AAK1: variants seen among roughly 807,000 people sequenced by gnomAD.
AAK1 encodes AP2-associated protein kinase 1.
AAK1 carries 37 observed loss-of-function variants against 116.0 expected under a neutral mutation model. The ratio of observed to expected loss-of-function variants is 0.32; its 90% CI spans 0.25 to 0.42. The LOEUF is 0.42. Ranked by LOEUF, AAK1 falls within the 10% of genes least tolerant of loss-of-function variation. AAK1 has a pLI of 1.00. For missense variants in AAK1, 919 were observed against 1,170.6 expected (o/e 0.79, Z 3.14); for synonymous variants, 458 against 439.9 (o/e 1.04, Z -0.51).
intron 4 of AAK1, 101 bp from the exon 5 acceptor site, chr2:69,542,766 A>C: frequency 1.5e-6 from 2 of 1,346,892 alleles, no homozygotes; most frequent in Non-Finnish European, 2.0e-6. Context: ...AGTCTGGACT[A>C]AGGTAACAGA....
chr2:69,499,301 C>A (rs755172256), intron 16 of AAK1, among the ~76,000 whole-genome samples: 1 of 152,166 alleles, frequency 6.6e-6, no homozygotes, highest in Non-Finnish European at 1.5e-5. Flanking sequence ...AATCTCACAC[C>A]TTCCAACACT....
In AAK1 at chr2:69,573,553, G is replaced by T. The variant is rs59493053; in HGVS notation, c.164-16575C>A. Reference sequence around the variant, plus strand: ...ATCGGCAAGTAGTCTCAGTGAGGCAGAAAGACCTCTGGTAGAATGTTGGCT... The same window carrying T: ...ATCGGCAAGTAGTCTCAGTGAGGCATAAAGACCTCTGGTAGAATGTTGGCT... On this transcript the variant is annotated intron_variant, in intron 2 of 21. Transcript: ENST00000409085. Among the ~76,000 whole-genome samples the T allele has an allele frequency of 4.3e-3, 660 of 152,344 alleles. 7 individuals carry two copies. The East Asian group carries it at 0.044, about 10-fold the overall frequency.
Position 69,467,220 on chromosome 2 carries a change from A to G in AAK1, c.*8649T>C. On this transcript the variant is annotated 3_prime_UTR_variant, in exon 22 of 22. Transcript: ENST00000409085. ...CCCAGAATTTTGTTTTCAGTCTTCT[A>G]AGTTCATAAAGATCTCCTCTGCTTA... 2 of 985,420 alleles carry G rather than the reference A, an allele frequency of 2.0e-6. No individual in the cohort carries two copies. The highest frequency in any genetic ancestry group is 2.4e-6 in the Non-Finnish European group (2 of 829,918). 61.0% of individuals were successfully genotyped at this position (985,420 alleles called of 1,614,324 possible). A position where few individuals can be genotyped will look rare whatever the true frequency, so the allele number is the denominator to read the frequency against.
chr2:69,592,660 G>A (rs1673083713), intron 2 of AAK1, among the ~76,000 whole-genome samples: 1 of 151,974 alleles, frequency 6.6e-6, no homozygotes, highest in African/African-American at 2.4e-5. Flanking sequence ...AAAGTTAGTG[G>A]CAAGTGAAAA....
chr2:69,513,190 G>C (rs1676455837), intron 13 of AAK1, among the ~76,000 whole-genome samples: 1 of 152,188 alleles, frequency 6.6e-6, no homozygotes. Context: ...AAGGTGTAAA[G>C]ACACTAAACA....
chr2:69,480,046 C>T lies in AAK1; in HGVS notation c.2569+814G>A, dbSNP rs150761688. Among the ~76,000 whole-genome samples the T allele has an allele frequency of 5.5e-3, 837 of 152,210 alleles. 8 individuals carry two copies. The highest frequency in any genetic ancestry group is 0.019 in the African/African-American group (802 of 41,552). On this transcript the variant is annotated intron_variant, in intron 19 of 21. Coordinates refer to ENST00000409085, the MANE Select transcript of AAK1 (RefSeq NM_014911.5). The stretch of plus-strand genomic sequence containing the variant: ...CTGGGATTACAGGTGTGAGCCAAGG[C>T]ACCCAGCCTGAGTTTAAGCATTTTA...
intron 18 of AAK1, 101 bp downstream of exon 18, chr2:69,482,610 G>T: frequency 2.2e-6 from 2 of 923,818 alleles, no homozygotes; most frequent in South Asian, 1.4e-5. Context: ...CTTCTGGGGT[G>T]GCAGGGCTAT....
In AAK1 at chr2:69,510,000, A is replaced by T. The variant is rs1032366938; in HGVS notation, c.1777-540T>A. Among the ~76,000 whole-genome samples, 34 of 152,312 alleles carry T rather than the reference A, an allele frequency of 2.2e-4. 1 individual carries two copies. The highest frequency in any genetic ancestry group is 1.2e-3 in the South Asian group (6 of 4,820). On this transcript the variant is annotated intron_variant, in intron 13 of 21. Transcript: ENST00000409085. ...ACCACAGGTTGGGAGTGAGTCAGAGAAAATTCTACTGTGATTAATAAATGT... is the reference window on the plus strand; with the variant it reads ...ACCACAGGTTGGGAGTGAGTCAGAGTAAATTCTACTGTGATTAATAAATGT...
intron 2 of AAK1, among the ~76,000 whole-genome samples, chr2:69,591,883 A>G (rs1374882133): frequency 6.6e-6 from 1 of 151,976 alleles, no homozygotes; most frequent in Non-Finnish European, 1.5e-5. Context: ...CTATATTTCA[A>G]ACCACAAAGA....
intron 3 of AAK1, among the ~76,000 whole-genome samples, chr2:69,551,560 T>C (rs72895347): frequency 0.05 from 7,626 of 152,242 alleles, 574 homozygotes; most frequent in African/African-American, 0.17. Context: ...ACATCACTGG[T>C]GGCAGCTTAC....
intron 17 of AAK1, among the ~76,000 whole-genome samples, chr2:69,488,135 C>CGT (rs1439331082): frequency 1.4e-5 from 2 of 140,220 alleles, no homozygotes; most frequent in African/African-American, 2.8e-5. Flanking sequence ...AGACTCTAAA[C>CGT]GTGTGTGTGT....
intron 15 of AAK1, among the ~76,000 whole-genome samples, 198 bp downstream of exon 15, chr2:69,507,223 G>C (rs1468295069): frequency 6.6e-6 from 1 of 152,204 alleles, no homozygotes; most frequent in African/African-American, 2.4e-5. Context: ...ATTTCCTGAA[G>C]ATGAGGACTT....
chr2:69,590,882 C>T (rs1672997693), intron 2 of AAK1, among the ~76,000 whole-genome samples: 1 of 152,198 alleles, frequency 6.6e-6, no homozygotes, highest in African/African-American at 2.4e-5. Context: ...ATTCCCACCT[C>T]CCCAAAACAC....
At chr2:69,635,606 A>G (rs1675409623) in intron 2 of AAK1, among the ~76,000 whole-genome samples, 1 of 152,236 alleles carries the variant, frequency 6.6e-6, no homozygotes, top group Admixed American at 6.5e-5. Flanking sequence ...CCTGAACCTT[A>G]AACAGGAAGG....
chr2:69,479,087 G>A, intron 19 of AAK1, 26 bp from the exon 20 acceptor site: 1 of 1,462,566 alleles, frequency 6.8e-7, no homozygotes, highest in Non-Finnish European at 9.6e-7. Context: ...CAGCATCCCA[G>A]GTCAGTGATG....
Position 69,513,083 on chromosome 2 carries a change from T to G in AAK1, c.1776+1388A>C, listed in dbSNP as rs142132761. On this transcript the variant is annotated intron_variant, in intron 13 of 21. Coordinates refer to ENST00000409085, the MANE Select transcript of AAK1 (RefSeq NM_014911.5). The stretch of plus-strand genomic sequence containing the variant: ...CATGTACTAATTTTTTTAAAAACTC[T>G]TTTTCCATGAAGAAGAGGAACTTTA... Among the ~76,000 whole-genome samples, 104 of 152,260 alleles carry G rather than the reference T, an allele frequency of 6.8e-4. 1 individual carries two copies. The South Asian group carries it at 6.8e-3, about 10-fold the overall frequency.
At chr2:69,588,386 A>T (rs1672880450) in intron 2 of AAK1, among the ~76,000 whole-genome samples, 1 of 152,216 alleles carries the variant, frequency 6.6e-6, no homozygotes, top group Admixed American at 6.5e-5. Flanking sequence ...GATATAGGAC[A>T]TGCTCCACTT....
At position 69,469,007 on chromosome 2, in the gene AAK1, T is replaced by C; in HGVS notation, c.*6862A>G. The C allele has an allele frequency of 1.0e-6, 1 of 985,406 alleles. No individual in the cohort carries two copies. The highest frequency in any genetic ancestry group is 1.1e-4 in the East Asian group (1 of 8,818). 61.0% of individuals were successfully genotyped at this position (985,406 alleles called of 1,614,324 possible). ...TCACAAAAACACCAGAATATCAAGTTTGAAGGGAAAATTAGTCTCCTGTCC... is the reference window on the plus strand; with the variant it reads ...TCACAAAAACACCAGAATATCAAGTCTGAAGGGAAAATTAGTCTCCTGTCC... On this transcript the variant is annotated 3_prime_UTR_variant, in exon 22 of 22. Transcript: ENST00000409085.
At chr2:69,482,471 CCTCA>C (rs1675127075) in intron 18 of AAK1, 1 of 616,522 alleles carries the variant, frequency 1.6e-6, no homozygotes, top group Non-Finnish European at 2.9e-6. Flanking sequence ...CCACATTCCT[CCTCA>C]TTCATAAGAG....
Sources: gnomAD v4.1 joint callset for allele counts (sites outside exome capture counted in the v4.1 genomes callset) on GRCh38, gnomAD v4.1.1 for gene constraint, MANE v1.5 for transcripts, NCBI Gene and HGNC (gene_info 2026-07-23, HGNC 2026-07-21) for gene names.